C4orf36: variants seen among roughly 807,000 people sequenced by gnomAD.
The protein encoded by C4orf36 is chromosome 4 open reading frame 36.
In C4orf36, 11 loss-of-function variants were observed where a neutral mutation model predicts 12.2. The ratio of observed to expected loss-of-function variants is 0.90; its 90% CI spans 0.57 to 1.49. The LOEUF is 1.49. C4orf36 is among the 40% of genes most tolerant of loss of function. C4orf36 has a pLI of 0.00. For missense variants in C4orf36, 137 were observed against 133.9 expected, an observed-to-expected ratio of 1.02 and a Z score of -0.11; for synonymous variants, 54 against 51.3, an observed-to-expected ratio of 1.05 and a Z score of -0.22.
At chr4:86,912,325 GTC>G in the C4orf36 span, among the ~76,000 whole-genome samples, 1 of 152,146 alleles carries the variant, frequency 6.6e-6, no homozygotes, top group Admixed American at 6.6e-5. Context: ...CCAGCCGATT[GTC>G]TCTTTTTATT....
In C4orf36 at chr4:86,887,844, C is replaced by T. The variant is rs201556370; in HGVS notation, c.270G>A (p.Lys90=). The change falls in exon 4 of 5, where the codon AAG becomes AAA. Residue 90 remains lysine (K), a synonymous_variant. Transcript: ENST00000295898. ...TTTCCTTAGATGTATTTTCTTGACA[C>T]TTCAGTTTACAAAGACGCTTCACTT... is the stretch of plus-strand genomic sequence containing the variant. ...EYEVKRLCKL[K]CQENTSKEIQ... is the part of the protein sequence containing the mutation. The T allele has an allele frequency of 1.4e-5, 23 of 1,614,066 alleles. No homozygotes were observed. The highest frequency in any genetic ancestry group is 1.9e-5 in the Non-Finnish European group (23 of 1,180,026).
the C4orf36 span, chr4:86,925,235 T>C: frequency 2.6e-5 from 4 of 152,136 alleles, no homozygotes; most frequent in East Asian, 1.9e-4. Context: ...GTCTCATATA[T>C]ATATGAGACC....
At chr4:86,885,620 G>T (rs1441339589) in intron 4 of C4orf36, among the ~76,000 whole-genome samples, 1 of 151,884 alleles carries the variant, frequency 6.6e-6, no homozygotes, top group Admixed American at 6.6e-5. Context: ...GGGTTTTCTA[G>T]ATATACAATC....
intron 4 of C4orf36, among the ~76,000 whole-genome samples, chr4:86,877,223 A>G (rs1238643542): frequency 6.6e-6 from 1 of 152,252 alleles, no homozygotes; most frequent in African/African-American, 2.4e-5. Flanking sequence ...ATTTCTGCTA[A>G]CAACTATCTT....
the C4orf36 span, among the ~76,000 whole-genome samples, chr4:86,922,150 G>T: frequency 1.3e-5 from 2 of 152,120 alleles, no homozygotes; most frequent in African/African-American, 4.8e-5. Flanking sequence ...TTATTTAAAA[G>T]ATGGAAAATG....
chr4:86,892,141 C>G (rs1747444841), intron 1 of C4orf36, 42 bp downstream of exon 1: 1 of 985,658 alleles, frequency 1.0e-6, no homozygotes, highest in Non-Finnish European at 1.2e-6. Context: ...CCACAGAGCC[C>G]GCGGAGAAGG....
the C4orf36 span, among the ~76,000 whole-genome samples, chr4:86,912,210 A>G: frequency 6.6e-6 from 1 of 152,052 alleles, no homozygotes; most frequent in Non-Finnish European, 1.5e-5. Flanking sequence ...CAAACAAAAC[A>G]GAGTCTCACT....
Position 86,888,116 on chromosome 4 carries a change from C to T in C4orf36, c.220+5G>A, listed in dbSNP as rs1173586663. ...ACTTATTAAAGCAGAACTTAAGGAA[C>T]TTACATTCTGCAGAAGGGAGCAGTC... On this transcript the variant is annotated splice_donor_5th_base_variant and intron_variant, in intron 3 of 4. Transcript: ENST00000295898. 12 of 1,608,092 alleles carry T rather than the reference C, an allele frequency of 7.5e-6. No individual in the cohort carries two copies. The highest frequency in any genetic ancestry group is 8.5e-6 in the Non-Finnish European group (10 of 1,177,522).
the C4orf36 span, chr4:86,935,720 C>T: frequency 1.3e-5 from 2 of 152,166 alleles, no homozygotes; most frequent in South Asian, 2.1e-4. Flanking sequence ...GAGGGCTTCC[C>T]GCCGCGTCTC....
chr4:86,877,502 T>C (rs1746952394), intron 4 of C4orf36, among the ~76,000 whole-genome samples: 1 of 152,216 alleles, frequency 6.6e-6, no homozygotes, highest in South Asian at 2.1e-4. Flanking sequence ...ACTGGAATTT[T>C]ATGAGGCAAA....
chr4:86,891,386 T>C lies in C4orf36; in HGVS notation c.65+70A>G, dbSNP rs1233849698. The C allele has an allele frequency of 2.1e-6, 3 of 1,450,434 alleles. No homozygotes were observed. In the African/African-American group the frequency reaches 4.2e-5, roughly 20 times the overall value. 89.8% of individuals were successfully genotyped at this position (1,450,434 alleles called of 1,614,324 possible). On this transcript the variant is annotated intron_variant, in intron 2 of 4. Transcript: ENST00000295898. ...GGGGAGCACAGAGTGTCCAGTCCTT[T>C]TATTTAACAAAGACACTCCCCACCG...
At chr4:86,892,443 G>C (rs1747465137), upstream of C4orf36, 1 of 985,386 alleles carries the variant, frequency 1.0e-6, no homozygotes, top group Non-Finnish European at 1.2e-6. Flanking sequence ...GCGTCACACG[G>C]GAGCCTCAAC....
chr4:86,919,844 G>T, the C4orf36 span, among the ~76,000 whole-genome samples: 3 of 152,048 alleles, frequency 2.0e-5, no homozygotes, highest in South Asian at 6.2e-4. Flanking sequence ...AAACAAGCCT[G>T]GGCAGCAAAG....
At chr4:86,901,535 G>C in the C4orf36 span, among the ~76,000 whole-genome samples, 17 of 151,670 alleles carry the variant, frequency 1.1e-4, no homozygotes, top group Non-Finnish European at 2.5e-4. Flanking sequence ...AGCCTCCCAA[G>C]TAGCTGGGAC....
At chr4:86,884,683 G>T (rs1372650630) in intron 4 of C4orf36, among the ~76,000 whole-genome samples, 1 of 152,132 alleles carries the variant, frequency 6.6e-6, no homozygotes, top group African/African-American at 2.4e-5. Context: ...AATATTCAAT[G>T]ATGTTTCATT....
At chr4:86,913,416 G>A in the C4orf36 span, 2 of 744,114 alleles carry the variant, frequency 2.7e-6, no homozygotes, top group Non-Finnish European at 4.9e-6. Flanking sequence ...CCAACACCGT[G>A]TTGCGGTCCT....
At chr4:86,877,158 AT>A (rs1309593934) in intron 4 of C4orf36, among the ~76,000 whole-genome samples, 10 of 152,234 alleles carry the variant, frequency 6.6e-5, no homozygotes, top group Admixed American at 1.3e-4. Flanking sequence ...GAGATTGTTA[AT>A]TTTTAAAGAA....
At chr4:86,928,977 C>T in the C4orf36 span, among the ~76,000 whole-genome samples, 46 of 152,184 alleles carry the variant, frequency 3.0e-4, no homozygotes, top group Non-Finnish European at 4.8e-4. Flanking sequence ...TGCCAGGATG[C>T]CTTCCCCAAG....
the C4orf36 span, among the ~76,000 whole-genome samples, chr4:86,900,189 C>T: frequency 6.6e-6 from 1 of 151,670 alleles, no homozygotes; most frequent in Non-Finnish European, 1.5e-5. Flanking sequence ...GCGCCTGCCA[C>T]ACCTGGCTAA....
Sources: gnomAD v4.1 joint callset for allele counts (sites outside exome capture counted in the v4.1 genomes callset) on GRCh38, gnomAD v4.1.1 for gene constraint, MANE v1.5 for transcripts, NCBI Gene and HGNC (gene_info 2026-07-23, HGNC 2026-07-21) for gene names.